TENM4: variants seen among roughly 807,000 people sequenced by gnomAD.
The protein encoded by TENM4 is teneurin transmembrane protein 4, also known as teneurin-4.
In TENM4, 82 loss-of-function variants were observed where a neutral mutation model predicts 243.3. The observed-to-expected ratio is 0.34, with a 90% CI of 0.28 to 0.40. The LOEUF (loss-of-function observed/expected upper bound fraction) is 0.40. Ranked by LOEUF, TENM4 falls within the 10% of genes least tolerant of loss-of-function variation. The pLI, the probability that TENM4 is intolerant of heterozygous loss-of-function variation, is 1.00. For missense variants in TENM4, 3,138 were observed against 3,673.3 expected, an observed-to-expected ratio of 0.85 and a Z score of 3.77; for synonymous variants, 1,412 against 1,456.3, an observed-to-expected ratio of 0.97 and a Z score of 0.69.
intron 19 of TENM4, among the ~76,000 whole-genome samples, chr11:78,753,880 A>G (rs1353382922): frequency 2.0e-5 from 3 of 152,244 alleles, no homozygotes; most frequent in African/African-American, 2.4e-5. Context: ...TGACAGATAT[A>G]TAAACAATGA....
chr11:78,836,606 C>A lies in TENM4; in HGVS notation c.1681+17498G>T, dbSNP rs533943343. Among the ~76,000 whole-genome samples, 35 of 152,230 alleles carry A rather than the reference C, an allele frequency of 2.3e-4. No homozygotes were observed. The South Asian group carries it at 6.8e-3, about 30-fold the overall frequency. The stretch of plus-strand genomic sequence containing the variant: ...AAAATTCTTGTCTGTTTTGGGGATG[C>A]GGATGTAGGAAACAGAACAGCAGGC... On this transcript the variant is annotated intron_variant, in intron 12 of 33. Transcript: ENST00000278550.
intron 7 of TENM4, among the ~76,000 whole-genome samples, chr11:78,896,948 T>C (rs549003888): frequency 9.2e-5 from 14 of 152,304 alleles, no homozygotes; most frequent in Admixed American, 2.0e-4. Flanking sequence ...TCCTTTGCAA[T>C]GCCTTCTTAT....
chr11:78,836,312 T>C (rs1435431181), intron 12 of TENM4, among the ~76,000 whole-genome samples: 1 of 152,086 alleles, frequency 6.6e-6, no homozygotes, highest in Non-Finnish European at 1.5e-5. Flanking sequence ...ATTGCGCTGT[T>C]GCACTCCAGC....
chr11:79,388,356 A>G (rs1858159239), intron 1 of TENM4, among the ~76,000 whole-genome samples: 1 of 152,256 alleles, frequency 6.6e-6, no homozygotes, highest in East Asian at 1.9e-4. Flanking sequence ...TTCACAGACC[A>G]AAAACAAAAC....
intron 9 of TENM4, among the ~76,000 whole-genome samples, chr11:78,865,332 T>C (rs113998442): frequency 0.023 from 3,514 of 152,206 alleles, 138 homozygotes; most frequent in African/African-American, 0.081. Context: ...GAGACTATAA[T>C]CCCAAACTCT....
chr11:79,126,741 C>A (rs1302406812), intron 4 of TENM4, among the ~76,000 whole-genome samples: 3 of 152,130 alleles, frequency 2.0e-5, no homozygotes, highest in East Asian at 3.8e-4. Context: ...AGTTTACAGA[C>A]CCTGACCCCT....
rs1225850519 is a variant in TENM4, at chr11:79,064,822, G to T, written c.409C>A (p.Arg137=). The change falls in exon 6 of 34, where the codon CGG becomes AGG. Residue 137 remains arginine (R), a synonymous_variant. Transcript: ENST00000278550. The part of the protein sequence containing the change: ...HPVRLWGRST[R]SGRSSCLSSR... Reference sequence around the variant, plus strand: ...GACAGGCAGGAGCTGCGCCCTGACCGTGTGCTCCGGCCCCACAGACGCACG... The same window carrying T: ...GACAGGCAGGAGCTGCGCCCTGACCTTGTGCTCCGGCCCCACAGACGCACG... The T allele has an allele frequency of 6.4e-7, 1 of 1,551,480 alleles. No homozygotes were observed. Among genetic ancestry groups the T allele is most frequent in the East Asian group, 2.4e-5 (1 of 40,916 alleles).
chr11:79,059,941 C>T (rs569289893), intron 6 of TENM4, among the ~76,000 whole-genome samples: 2 of 152,322 alleles, frequency 1.3e-5, no homozygotes, highest in South Asian at 4.1e-4. Context: ...GCCTGCTGCA[C>T]CTCTATTAAA....
At chr11:79,351,898 G>A (rs1857420747) in intron 1 of TENM4, among the ~76,000 whole-genome samples, 1 of 152,078 alleles carries the variant, frequency 6.6e-6, no homozygotes, top group Non-Finnish European at 1.5e-5. Flanking sequence ...GAGCCAAGGA[G>A]GTGAAGAGCC....
At chr11:79,317,470 G>T (rs1856821721) in intron 1 of TENM4, among the ~76,000 whole-genome samples, 1 of 152,172 alleles carries the variant, frequency 6.6e-6, no homozygotes, top group African/African-American at 2.4e-5. Context: ...TAGTTGTCAT[G>T]ATGCTTGATA....
intron 6 of TENM4, among the ~76,000 whole-genome samples, chr11:78,908,497 G>A (rs1425346949): frequency 1.3e-5 from 2 of 152,168 alleles, no homozygotes; most frequent in Admixed American, 6.5e-5. Flanking sequence ...TACAACAGGG[G>A]TTCCAAAGCA....
intron 1 of TENM4, among the ~76,000 whole-genome samples, chr11:79,403,090 G>A (rs867605984): frequency 3.9e-5 from 6 of 152,296 alleles, no homozygotes; most frequent in Middle Eastern, 3.4e-3. Flanking sequence ...CTGCATTCAC[G>A]AAGGCAGTTT....
At chr11:78,816,938 A>G (rs1012022779) in intron 12 of TENM4, among the ~76,000 whole-genome samples, 7 of 152,180 alleles carry the variant, frequency 4.6e-5, no homozygotes, top group Non-Finnish European at 1.0e-4. Context: ...ACCTAAAGCA[A>G]CTTCCTTCCC....
Position 78,672,217 on chromosome 11 carries a change from C to T in TENM4, c.5609G>A (p.Arg1870Gln), listed in dbSNP as rs758862894. The T allele has an allele frequency of 1.3e-5, 21 of 1,613,868 alleles. No homozygotes were observed. Among genetic ancestry groups the T allele is most frequent in the South Asian group, 2.2e-5 (2 of 91,080 alleles). ...GCTGCTGGGTGACCAGAGGCTGGGC[C>T]GCCCCGCCTGGTCGTACAGAATCCG... The part of the protein sequence containing the change: ...TLRILYDQAG[R>Q]PSLWSPSSRL... The change falls in exon 31 of 34, where the codon CGG becomes CAG. Residue 1870 changes from arginine (R) to glutamine (Q), a missense_variant. Physicochemically the swap from Arg to Gln is conservative, Grantham distance 43. This residue lies in a region of TENM4 where 2,467 missense variants were observed against 3,059.1 expected (regional missense o/e 0.81). Coordinates refer to ENST00000278550, the MANE Select transcript of TENM4 (RefSeq NM_001098816.3).
At chr11:78,916,324 G>T (rs1329876866) in intron 6 of TENM4, among the ~76,000 whole-genome samples, 1 of 152,106 alleles carries the variant, frequency 6.6e-6, no homozygotes, top group Non-Finnish European at 1.5e-5. Context: ...CAATAGAAAG[G>T]ATCAATTTAG....
chr11:79,372,356 T>A (rs1216226405), intron 1 of TENM4, among the ~76,000 whole-genome samples: 1 of 152,138 alleles, frequency 6.6e-6, no homozygotes, highest in Non-Finnish European at 1.5e-5. Flanking sequence ...GAGTTTAAAA[T>A]TATATGTTTG....
intron 1 of TENM4, among the ~76,000 whole-genome samples, chr11:79,416,453 T>C (rs1337690582): frequency 1.3e-5 from 2 of 152,204 alleles, no homozygotes; most frequent in Non-Finnish European, 2.9e-5. Context: ...TTAATTTTCA[T>C]TTCTCTAATG....
chr11:79,076,615 C>G (rs930177379), intron 4 of TENM4, among the ~76,000 whole-genome samples: 1 of 152,278 alleles, frequency 6.6e-6, no homozygotes, highest in African/African-American at 2.4e-5. Flanking sequence ...ACAGCCAAAC[C>G]ATATCAGTAT....
At chr11:78,984,417 G>A (rs1857873473) in intron 6 of TENM4, among the ~76,000 whole-genome samples, 1 of 152,302 alleles carries the variant, frequency 6.6e-6, no homozygotes, top group South Asian at 2.1e-4. Flanking sequence ...AGTGAGATGA[G>A]TGTGGATTGC....
Sources: gnomAD v4.1 joint callset for allele counts (sites outside exome capture counted in the v4.1 genomes callset) on GRCh38, gnomAD v4.1.1 for gene constraint, gnomAD v4.1.1 regional missense constraint, MANE v1.5 for transcripts, NCBI Gene and HGNC (gene_info 2026-07-23, HGNC 2026-07-21) for gene names.